The following FGF1 variants were observed in gnomAD, a reference collection of about 807,000 sequenced individuals.
FGF1 encodes beta-endothelial cell growth factor.
Under a neutral mutation model 13.4 loss-of-function variants are expected in FGF1, and 9 were observed. That is an observed-to-expected ratio of 0.67 (90% CI 0.40 to 1.17). The LOEUF is 1.17. Among genes scored for constraint, FGF1 ranks in the 50% most tolerant of loss-of-function variants. The pLI, the probability that FGF1 is intolerant of heterozygous loss-of-function variation, is 0.01. For synonymous variants in FGF1, 93 were observed against 79.0 expected, an observed-to-expected ratio of 1.18 and a Z score of -0.94; for missense variants, 156 against 192.7, an observed-to-expected ratio of 0.81 and a Z score of 1.13.
chr5:142,637,323 TG>T (rs1275229609), intron 1 of FGF1, among the ~76,000 whole-genome samples: 13 of 82,762 alleles, frequency 1.6e-4, no homozygotes, highest in Admixed American at 9.5e-4. Context: ...ACGGCGTTTT[TG>T]TTTTTTTTTT....
Position 142,607,375 on chromosome 5 carries a change from G to GA in FGF1, c.170-6571dup, listed in dbSNP as rs1298203963. Among the ~76,000 whole-genome samples, 126 of 152,206 alleles carry GA rather than the reference G, an allele frequency of 8.3e-4. 3 individuals carry two copies. Among genetic ancestry groups the GA allele is most frequent in the Admixed American group, 8.2e-3 (126 of 15,278 alleles). ...CGGGGATCTAGGAGTTGCTATCTAT[G>GA]AACAGGAAGGTCAGTGTCTCTCAAG... On this transcript the variant is annotated intron_variant, in intron 2 of 3. Coordinates refer to ENST00000337706, the MANE Select transcript of FGF1 (RefSeq NM_000800.5).
At chr5:142,644,843 A>G (rs764660182) in intron 1 of FGF1, among the ~76,000 whole-genome samples, 1 of 152,238 alleles carries the variant, frequency 6.6e-6, no homozygotes, top group African/African-American at 2.4e-5. Context: ...TGCCAAATGA[A>G]TGAACAAGCA....
chr5:142,655,836 G>A (rs1347636681), intron 1 of FGF1, among the ~76,000 whole-genome samples: 1 of 152,222 alleles, frequency 6.6e-6, no homozygotes, highest in Non-Finnish European at 1.5e-5. Flanking sequence ...GCGGGAGCCA[G>A]GCTGGTGCAG....
At chr5:142,599,683 T>C (rs1222787885) in intron 3 of FGF1, among the ~76,000 whole-genome samples, 1 of 152,196 alleles carries the variant, frequency 6.6e-6, no homozygotes, top group Non-Finnish European at 1.5e-5. Flanking sequence ...GAGATACCAA[T>C]AGGGGCAAAA....
intron 1 of FGF1, among the ~76,000 whole-genome samples, chr5:142,617,946 G>A (rs184192457): frequency 1.3e-5 from 2 of 152,290 alleles, no homozygotes; most frequent in South Asian, 2.1e-4. Context: ...GGTCCTTGGA[G>A]ATTTACACAA....
chr5:142,611,981 C>G (rs1211693557), intron 2 of FGF1, among the ~76,000 whole-genome samples: 1 of 152,194 alleles, frequency 6.6e-6, no homozygotes, highest in Non-Finnish European at 1.5e-5. Flanking sequence ...AGAACTCTCA[C>G]TATATTATCT....
intron 1 of FGF1, among the ~76,000 whole-genome samples, chr5:142,625,426 A>G (rs771312613): frequency 6.6e-6 from 1 of 152,074 alleles, no homozygotes; most frequent in Non-Finnish European, 1.5e-5. Flanking sequence ...ATTCATCCAC[A>G]AAACACTCCC....
chr5:142,612,556 A>C (rs144415379), intron 2 of FGF1, among the ~76,000 whole-genome samples: 133 of 152,324 alleles, frequency 8.7e-4, no homozygotes, highest in Non-Finnish European at 1.6e-4. Flanking sequence ...AATGGACTAC[A>C]ATCTAAGTTT....
intron 2 of FGF1, among the ~76,000 whole-genome samples, chr5:142,610,669 C>T (rs960828489): frequency 1.3e-5 from 2 of 152,154 alleles, no homozygotes; most frequent in African/African-American, 4.8e-5. Flanking sequence ...AGCATGGCAG[C>T]GTAACCAATG....
chr5:142,655,645 A>G (rs971772969), intron 1 of FGF1, among the ~76,000 whole-genome samples: 5 of 152,248 alleles, frequency 3.3e-5, no homozygotes, highest in Admixed American at 6.5e-5. Context: ...ACTAGTCATC[A>G]AGAAATCCTT....
intron 1 of FGF1, among the ~76,000 whole-genome samples, chr5:142,631,768 A>C (rs1231503012): frequency 7.8e-6 from 1 of 128,684 alleles, no homozygotes; most frequent in African/African-American, 2.9e-5. Context: ...TTTAAATTTT[A>C]TTTAAATTAG....
Position 142,650,170 on chromosome 5 carries a change from G to A in FGF1, c.-35+35787C>T, listed in dbSNP as rs147897029. 4.3e-3 allele frequency among the ~76,000 whole-genome samples: 648 copies of A among 152,344 alleles called. 4 individuals are homozygous for A. The highest frequency in any genetic ancestry group is 0.011 in the African/African-American group (441 of 41,582). ...TTCCTCTGAGAAGGAGAAGGGGAAA[G>A]TGGAGTAAGGGCGTGCAGGGGGAGG... On this transcript the variant is annotated intron_variant, in intron 1 of 3. Coordinates refer to ENST00000337706, the MANE Select transcript of FGF1 (RefSeq NM_000800.5).
At chr5:142,694,824 C>T (rs1916997) in intron 2 of FGF1, among the ~76,000 whole-genome samples, 2,682 of 152,004 alleles carry the variant, frequency 0.018, 91 homozygotes, top group African/African-American at 0.061. Context: ...TGTGAAATCC[C>T]TGACATTCCT....
intron 2 of FGF1, among the ~76,000 whole-genome samples, chr5:142,608,554 A>C (rs1047311764): frequency 2.6e-5 from 2 of 76,872 alleles, no homozygotes; most frequent in Non-Finnish European, 4.7e-5. Context: ...ATATATATAT[A>C]TATATATATA....
intron 1 of FGF1, among the ~76,000 whole-genome samples, chr5:142,637,697 A>G (rs1053657821): frequency 1.3e-5 from 2 of 152,070 alleles, no homozygotes; most frequent in African/African-American, 4.8e-5. Context: ...CTGGGCATCC[A>G]GGACTGTCGT....
At chr5:142,613,904 C>A in intron 2 of FGF1, 55 bp downstream of exon 2, 1 of 1,578,648 alleles carries the variant, frequency 6.3e-7, no homozygotes, top group South Asian at 1.2e-5. Flanking sequence ...TTCCTCCCAC[C>A]TTGACTACAG....
At chr5:142,641,396 AT>A (rs1161606567) in intron 1 of FGF1, among the ~76,000 whole-genome samples, 1 of 151,940 alleles carries the variant, frequency 6.6e-6, no homozygotes, top group African/African-American at 2.4e-5. Flanking sequence ...GTGGGGGTTA[AT>A]TTTCTATATA....
At chr5:142,612,804 C>T (rs1759358676) in intron 2 of FGF1, among the ~76,000 whole-genome samples, 1 of 152,164 alleles carries the variant, frequency 6.6e-6, no homozygotes, top group South Asian at 2.1e-4. Flanking sequence ...GGAACAACGT[C>T]ACCTCGTGTA....
chr5:142,643,093 A>G (rs939506865), intron 1 of FGF1, among the ~76,000 whole-genome samples: 43 of 152,332 alleles, frequency 2.8e-4, no homozygotes, highest in African/African-American at 9.9e-4. Flanking sequence ...AACGCACCCC[A>G]GGAGGCTCCA....
Sources: allele counts gnomAD v4.1 joint callset (sites outside exome capture counted in the v4.1 genomes callset), GRCh38; gene constraint gnomAD v4.1.1; transcripts MANE v1.5; gene names NCBI Gene and HGNC (gene_info 2026-07-23, HGNC 2026-07-21).